The following KLHL13 variants were observed in gnomAD, a reference collection of about 807,000 sequenced individuals.
KLHL13 encodes kelch like family member 13.
In KLHL13, 10 loss-of-function variants were observed where a neutral mutation model predicts 37.1. The ratio of observed to expected loss-of-function variants is 0.27; its 90% CI spans 0.17 to 0.46. The LOEUF is 0.46. Ranked by LOEUF, KLHL13 falls within the 20% of genes least tolerant of loss-of-function variation. KLHL13 has a pLI of 1.00. For missense variants in KLHL13, 360 were observed against 509.3 expected, an observed-to-expected ratio of 0.71 and a Z score of 2.82; for synonymous variants, 163 against 181.2, an observed-to-expected ratio of 0.90 and a Z score of 0.81.
rs530387937 is a variant in KLHL13 at position 117,956,876 on chromosome X, T to A, written c.99-11301A>T. Reference sequence around the variant, plus strand: ...TTTACATCTTCAAAATCCAATCTTTTCATATGTCAAAGATATGCTTAATGG... The same window carrying A: ...TTTACATCTTCAAAATCCAATCTTTACATATGTCAAAGATATGCTTAATGG... On this transcript the variant is annotated intron_variant, in intron 1 of 6. Transcript: ENST00000262820. Among the ~76,000 whole-genome samples, 270 of 112,372 alleles carry A rather than the reference T, an allele frequency of 2.4e-3. 3 individuals are homozygous for A. The highest frequency in any genetic ancestry group is 0.01 in the South Asian group (28 of 2,704).
chrX:117,995,814 A>C (rs886567067), intron 1 of KLHL13, among the ~76,000 whole-genome samples: 4 of 111,616 alleles, frequency 3.6e-5, no homozygotes, highest in Non-Finnish European at 7.5e-5. Context: ...TCCACCATTT[A>C]CTAGTATATT....
At chrX:117,936,897 T>C (rs1263070705) in intron 2 of KLHL13, among the ~76,000 whole-genome samples, 1 of 111,748 alleles carries the variant, frequency 8.9e-6, no homozygotes, top group Non-Finnish European at 1.9e-5. Flanking sequence ...AGATTACAAA[T>C]AAAAAAAGCT....
At chrX:118,073,546 G>A (rs2054895826) in intron 1 of KLHL13, among the ~76,000 whole-genome samples, 1 of 111,639 alleles carries the variant, frequency 9.0e-6, no homozygotes, top group South Asian at 3.8e-4. Context: ...ATACTTGGCT[G>A]TGGATATAAG....
At chrX:118,000,472 G>A (rs1447455939) in intron 1 of KLHL13, among the ~76,000 whole-genome samples, 1 of 112,278 alleles carries the variant, frequency 8.9e-6, no homozygotes, top group African/African-American at 3.2e-5. Context: ...CTAGGGATGA[G>A]TGTAACAGTA....
chrX:117,991,381 G>A lies in KLHL13; in HGVS notation c.-55-45806C>T, dbSNP rs777555149. ...CCAGAACCATGAAAAATGGTAACCA[G>A]AAATATGATTCTGTATAAACCAATC... On this transcript the variant is annotated intron_variant, in intron 1 of 6. Transcript: ENST00000371882. Among the ~76,000 whole-genome samples, 3 of 110,704 alleles carry A rather than the reference G, an allele frequency of 2.7e-5. No individual in the cohort carries two copies. In the East Asian group the frequency reaches 8.5e-4, roughly 31 times the overall value.
chrX:118,078,088 AT>A (rs913973461), intron 1 of KLHL13, among the ~76,000 whole-genome samples: 17 of 111,844 alleles, frequency 1.5e-4, no homozygotes, highest in African/African-American at 5.5e-4. Context: ...CAAATTGGCC[AT>A]TTTTGAACCT....
intron 1 of KLHL13, among the ~76,000 whole-genome samples, chrX:118,041,410 C>A (rs986198748): frequency 9.0e-6 from 1 of 110,703 alleles, no homozygotes; most frequent in African/African-American, 3.3e-5. Context: ...GCCTATAGTC[C>A]CAGCTACTAG....
At chrX:117,985,152 C>A (rs1248224292) in intron 1 of KLHL13, 17 of 620,786 alleles carry the variant, frequency 2.7e-5, no homozygotes, top group Non-Finnish European at 4.0e-5. Context: ...TTTTGTATAT[C>A]GCTTCACAGC....
rs922243653 is a variant in KLHL13, at chrX:117,983,471, T to G, written c.-55-37896A>C. 118 of 1,119,203 alleles carry G rather than the reference T, an allele frequency of 1.1e-4. No homozygotes were observed. The Admixed American group carries it at 3.1e-3, about 30-fold the overall frequency. 92.2% of individuals were successfully genotyped at this position (1,119,203 alleles called of 1,213,427 possible). On this transcript the variant is annotated intron_variant, in intron 1 of 6. Transcript: ENST00000371882. Reference sequence around the variant, plus strand: ...AAAGGTGAGGAAAAATGTAGACCCCTGGACATACCCTGAAGTTGATTTTTT... The same window carrying G: ...AAAGGTGAGGAAAAATGTAGACCCCGGGACATACCCTGAAGTTGATTTTTT...
At chrX:117,960,126 C>T (rs779905485) in intron 1 of KLHL13, among the ~76,000 whole-genome samples, 1 of 110,873 alleles carries the variant, frequency 9.0e-6, no homozygotes, top group South Asian at 3.9e-4. Context: ...GTCTGTAATC[C>T]CAGCACTTTG....
chrX:117,920,543 C>A (rs1438837192), intron 2 of KLHL13, among the ~76,000 whole-genome samples, 173 bp from the exon 4 acceptor site: 1 of 112,378 alleles, frequency 8.9e-6, no homozygotes, highest in Non-Finnish European at 1.9e-5. Context: ...TGTGACAATG[C>A]ATGTTTTCTT....
At chrX:118,011,121 C>T (rs1206670942) in intron 1 of KLHL13, among the ~76,000 whole-genome samples, 1 of 108,930 alleles carries the variant, frequency 9.2e-6, no homozygotes, top group Admixed American at 1.0e-4. Context: ...ACACCTAATT[C>T]TGCTTGGAAG....
intron 1 of KLHL13, among the ~76,000 whole-genome samples, chrX:118,102,188 G>T (rs1196633974): frequency 8.9e-6 from 1 of 111,808 alleles, no homozygotes; most frequent in Non-Finnish European, 1.9e-5. Flanking sequence ...TGTAGCTGAT[G>T]TCATAGAGAT....
At chrX:117,940,805 CT>C (rs1008136224) in intron 2 of KLHL13, among the ~76,000 whole-genome samples, 1 of 111,982 alleles carries the variant, frequency 8.9e-6, no homozygotes, top group African/African-American at 3.2e-5. Flanking sequence ...TATCCTGAGA[CT>C]TTGCTGAAGT....
intron 1 of KLHL13, among the ~76,000 whole-genome samples, chrX:118,051,519 C>T (rs1304841205): frequency 2.8e-5 from 3 of 108,978 alleles, no homozygotes; most frequent in African/African-American, 1.0e-4. Flanking sequence ...CCAGCCTGGG[C>T]GACAGAGTGA....
intron 1 of KLHL13, among the ~76,000 whole-genome samples, chrX:118,055,495 C>T (rs2054675149): frequency 8.9e-6 from 1 of 112,113 alleles, no homozygotes; most frequent in South Asian, 3.7e-4. Context: ...AATCTGAATT[C>T]AGAATCTTTA....
intron 1 of KLHL13, among the ~76,000 whole-genome samples, chrX:118,021,567 A>G (rs1400030636): frequency 9.1e-6 from 1 of 110,150 alleles, no homozygotes; most frequent in African/African-American, 3.3e-5. Flanking sequence ...AAGGACATGA[A>G]CTCATCATTT....
intron 1 of KLHL13, among the ~76,000 whole-genome samples, chrX:118,089,571 GAAAGA>G (rs1199885870): frequency 2.4e-4 from 17 of 70,069 alleles, no homozygotes; most frequent in East Asian, 1.2e-3. Context: ...TTAAATAGAA[GAAAGA>G]AAAGAAAAGA....
chrX:118,091,205 C>A (rs1319528536), intron 1 of KLHL13, among the ~76,000 whole-genome samples: 1 of 108,788 alleles, frequency 9.2e-6, no homozygotes, highest in African/African-American at 3.3e-5. Context: ...GTGCAGCACA[C>A]CAGCATGGCA....
Sources: allele counts gnomAD v4.1 joint callset (sites outside exome capture counted in the v4.1 genomes callset), GRCh38; gene constraint gnomAD v4.1.1; transcripts MANE v1.5; gene names NCBI Gene and HGNC (gene_info 2026-07-23, HGNC 2026-07-21).